EML6: variants seen among roughly 807,000 people sequenced by gnomAD.
The protein encoded by EML6 is EMAP like 6.
A neutral mutation model predicts 240.1 loss-of-function variants in EML6; 154 were observed. The ratio of observed to expected loss-of-function variants is 0.64; its 90% CI spans 0.56 to 0.73. The LOEUF is 0.73. Among genes scored for constraint, EML6 ranks in the 30% least tolerant of loss-of-function variants. The pLI, the probability that EML6 is intolerant of heterozygous loss-of-function variation, is 0.00. For synonymous variants in EML6, 1,148 were observed against 899.0 expected (o/e 1.28, Z -4.95); for missense variants, 2,964 against 2,474.6 (o/e 1.20, Z -4.20).
rs980747520 is a variant in EML6, at chr2:54,859,436, A to T, written c.1658-98A>T. 8 of 909,342 alleles carry T rather than the reference A, an allele frequency of 8.8e-6. No homozygotes were observed. In the African/African-American group the frequency reaches 1.4e-4, roughly 15 times the overall value. 56.3% of individuals were successfully genotyped at this position (909,342 alleles called of 1,614,324 possible). On this transcript the variant is annotated intron_variant, in intron 11 of 41. Transcript: ENST00000356458. ...CGGAACATCGTTTTCAGATATATTT[A>T]AAGATTTTACTCTTCAACATGAACA...
rs1672954635 is a variant in EML6, at chr2:54,899,683, C to T, written c.3025C>T (p.Leu1009Phe). 1 of 1,553,956 alleles carries T rather than the reference C, an allele frequency of 6.4e-7. No individual in the cohort carries two copies. The highest frequency in any genetic ancestry group is 8.7e-7 in the Non-Finnish European group (1 of 1,148,178). ...AGTGTGGGGGTTGGCAGCTCACCCT[C>T]TCCTGCCCATCTGTGCAACAGTGAG... ...GEVWGLAAHP[L>F]LPICATVSDD... The change falls in exon 22 of 42, where the codon CTC becomes TTC. Residue 1009 changes from leucine (L) to phenylalanine (F), a missense_variant. Leu to Phe is a conservative substitution (Grantham distance 22). Coordinates refer to ENST00000356458, the MANE Select transcript of EML6 (RefSeq NM_001039753.4).
intron 4 of EML6, 44 bp from the exon 5 acceptor site, chr2:54,820,350 A>T: frequency 7.2e-7 from 1 of 1,386,600 alleles, no homozygotes. Context: ...AAAGGCAAAA[A>T]TATACCAAAT....
intron 16 of EML6, among the ~76,000 whole-genome samples, chr2:54,879,050 T>G (rs1671675754): frequency 6.6e-6 from 1 of 152,266 alleles, no homozygotes; most frequent in African/African-American, 2.4e-5. Flanking sequence ...AAATTTAGTT[T>G]CTATAATGTT....
chr2:54,782,976 T>C (rs1309076329), intron 2 of EML6, among the ~76,000 whole-genome samples: 1 of 152,246 alleles, frequency 6.6e-6, no homozygotes, highest in Non-Finnish European at 1.5e-5. Context: ...CTGTCTAATA[T>C]ATAGCAAGAG....
At chr2:54,914,732 T>C (rs1673820078) in intron 25 of EML6, among the ~76,000 whole-genome samples, 1 of 152,176 alleles carries the variant, frequency 6.6e-6, no homozygotes, top group Non-Finnish European at 1.5e-5. Context: ...CCCAATATTA[T>C]AAGGCCCTTT....
At chr2:54,757,897 TC>T (rs1324948985) in intron 2 of EML6, among the ~76,000 whole-genome samples, 3 of 151,084 alleles carry the variant, frequency 2.0e-5, no homozygotes, top group Non-Finnish European at 4.4e-5. Context: ...TTTTTTTTTT[TC>T]TTCAAGGTTT....
intron 11 of EML6, among the ~76,000 whole-genome samples, chr2:54,855,458 G>GCCCCCCCCCCCC (rs11297060): frequency 1.6e-5 from 2 of 124,110 alleles, no homozygotes; most frequent in African/African-American, 3.0e-5. Context: ...CTTCTACCAT[G>GCCCCCCCCCCCC]CCCCCCCCCC....
chr2:54,922,768 A>G (rs2104357146), intron 26 of EML6, among the ~76,000 whole-genome samples: 1 of 152,276 alleles, frequency 6.6e-6, no homozygotes, highest in East Asian at 1.9e-4. Context: ...AACCAGAAGG[A>G]CATGGTAAGT....
intron 30 of EML6, among the ~76,000 whole-genome samples, chr2:54,952,334 T>G (rs890706232): frequency 5.3e-5 from 8 of 151,870 alleles, no homozygotes; most frequent in Admixed American, 2.6e-4. Context: ...CCACACAGAG[T>G]TGTGGGAAGT....
intron 26 of EML6, among the ~76,000 whole-genome samples, chr2:54,925,785 C>T (rs1013093510): frequency 5.3e-5 from 8 of 152,150 alleles, no homozygotes; most frequent in Non-Finnish European, 1.0e-4. Context: ...TGTTTTTTGA[C>T]ACCATCTGTA....
chr2:54,829,139 TTTA>T lies in EML6; in HGVS notation c.712-195_712-193del, dbSNP rs780377779. On this transcript the variant is annotated intron_variant, in intron 6 of 41. Transcript: ENST00000356458. ...AAAAGAGCACTTGAACTAGTTTGCTTTTATTATTATGATTTTTTAAATGTAGCT... is the reference window on the plus strand; with the variant it reads ...AAAAGAGCACTTGAACTAGTTTGCTTTTATTATGATTTTTTAAATGTAGCT... Among the ~76,000 whole-genome samples, 98 of 152,336 alleles carry T rather than the reference TTTA, an allele frequency of 6.4e-4. 1 individual carries two copies. The highest frequency in any genetic ancestry group is 7.5e-4 in the Non-Finnish European group (51 of 68,022).
At chr2:54,891,217 C>G (rs1672450862) in intron 18 of EML6, 63 bp downstream of exon 18, 2 of 799,734 alleles carry the variant, frequency 2.5e-6, no homozygotes, top group South Asian at 4.1e-5. Context: ...GAAAGAAAAA[C>G]AAAACAAACT....
rs1038120500 is a variant in EML6 at position 54,968,176 on chromosome 2, G to C, written c.5646G>C (p.Lys1882Asn). The C allele has an allele frequency of 1.3e-6, 2 of 1,551,700 alleles. No homozygotes were observed. Among genetic ancestry groups the C allele is most frequent in the Admixed American group, 3.9e-5 (2 of 51,006 alleles). The stretch of plus-strand genomic sequence containing the variant: ...GAATCTGGCCACGAAATGCAGACAA[G>C]GCTGATGTCAACTGCGCATGTGTGA... ...VIGIWPRNAD[K>N]ADVNCACVTH... Residue 1882 changes from lysine (K) to asparagine (N), a missense_variant, in exon 40 of 42, where the codon AAG becomes AAC. Lys to Asn is a moderately conservative substitution (Grantham distance 94, BLOSUM62 0). Coordinates refer to ENST00000356458, the MANE Select transcript of EML6 (RefSeq NM_001039753.4).
rs1409808793 is a variant in EML6, at chr2:54,725,452, G to A, written c.197+194G>A. On this transcript the variant is annotated intron_variant, in intron 2 of 41. Coordinates refer to ENST00000356458, the MANE Select transcript of EML6 (RefSeq NM_001039753.4). The surrounding 1 kb of genome is among the most constrained non-coding windows in gnomAD (Gnocchi z 4.3). ...TGTGGGGAGTGTAGGTGAGGAGGGAGAGATGTCTTTTCGCTGTATCCCTCC... is the reference window on the plus strand; with the variant it reads ...TGTGGGGAGTGTAGGTGAGGAGGGAAAGATGTCTTTTCGCTGTATCCCTCC... 5.3e-5 allele frequency among the ~76,000 whole-genome samples: 8 copies of A among 152,144 alleles called. No individual in the cohort carries two copies. Among genetic ancestry groups the A allele is most frequent in the Admixed American group, 4.6e-4 (7 of 15,274 alleles).
intron 2 of EML6, among the ~76,000 whole-genome samples, chr2:54,793,242 G>T (rs1669557226): frequency 6.6e-6 from 1 of 152,140 alleles, no homozygotes; most frequent in Non-Finnish European, 1.5e-5. Flanking sequence ...ATTCCAGCCT[G>T]GGCAACAGAG....
intron 28 of EML6, among the ~76,000 whole-genome samples, chr2:54,931,186 T>C (rs1476359304): frequency 6.6e-6 from 1 of 151,804 alleles, no homozygotes; most frequent in Non-Finnish European, 1.5e-5. Flanking sequence ...CTCGATCTCC[T>C]GACCTCGTGA....
chr2:54,778,679 G>A (rs1177234182), intron 2 of EML6, among the ~76,000 whole-genome samples: 1 of 151,880 alleles, frequency 6.6e-6, no homozygotes, highest in Admixed American at 6.6e-5. Context: ...ACAAGGTCAG[G>A]AGATCGAGAC....
chr2:54,853,725 T>G lies in EML6; in HGVS notation c.1527T>G (p.Ser509Arg). ...SWTCVKGPEV[S>R]GIWPKYTEVT... The stretch of plus-strand genomic sequence containing the variant: ...CATGCGTGAAAGGCCCTGAAGTGAG[T>G]GGAATTTGGCCCAAATACACTGAGG... Residue 509 changes from serine to arginine, a missense_variant, in exon 11 of 42, where the codon AGT (serine) becomes AGG (arginine). Physicochemically the swap from Ser to Arg is moderately radical, Grantham distance 110. Coordinates refer to ENST00000356458, the MANE Select transcript of EML6 (RefSeq NM_001039753.4). The G allele has an allele frequency of 6.4e-7, 1 of 1,551,552 alleles. No homozygotes were observed. Among genetic ancestry groups the G allele is most frequent in the Non-Finnish European group, 8.7e-7 (1 of 1,146,902 alleles).
chr2:54,819,259 G>T (rs1043259519), intron 4 of EML6, among the ~76,000 whole-genome samples: 1 of 152,128 alleles, frequency 6.6e-6, no homozygotes, highest in Admixed American at 6.5e-5. Flanking sequence ...CATGGAATGC[G>T]TTCCATGGAT....
Sources: allele counts gnomAD v4.1 joint callset (sites outside exome capture counted in the v4.1 genomes callset), GRCh38; gene constraint gnomAD v4.1.1; non-coding constraint Gnocchi (gnomAD v3.1); transcripts MANE v1.5; gene names NCBI Gene and HGNC (gene_info 2026-07-23, HGNC 2026-07-21).